The following RCC2 variants were observed in gnomAD, a reference collection of about 807,000 sequenced individuals.
The protein encoded by RCC2 is protein RCC2.
Under a neutral mutation model 64.1 loss-of-function variants are expected in RCC2, and 19 were observed. The observed-to-expected ratio is 0.30, with a 90% CI of 0.21 to 0.44. RCC2 has a LOEUF of 0.44. Among genes scored for constraint, RCC2 ranks in the 20% least tolerant of loss-of-function variants. The pLI, the probability that RCC2 is intolerant of heterozygous loss-of-function variation, is 1.00. For missense variants in RCC2, 508 were observed against 710.4 expected, an observed-to-expected ratio of 0.72 and a Z score of 3.24; for synonymous variants, 325 against 279.6, an observed-to-expected ratio of 1.16 and a Z score of -1.62.
intron 7 of RCC2, among the ~76,000 whole-genome samples, chr1:17,419,344 G>A (rs1488342718): frequency 1.3e-5 from 2 of 152,198 alleles, no homozygotes; most frequent in South Asian, 2.1e-4. Flanking sequence ...GGGTGACAGA[G>A]GGAGACTCCG....
At chr1:17,418,731 A>G (rs1207364148) in intron 7 of RCC2, among the ~76,000 whole-genome samples, 2 of 152,234 alleles carry the variant, frequency 1.3e-5, no homozygotes, top group Non-Finnish European at 2.9e-5. Context: ...ATGTAAGAGC[A>G]TCACAGTAAA....
At position 17,413,652 on chromosome 1, in the gene RCC2, G is replaced by T; in HGVS notation, c.1092C>A (p.His364Gln). The change falls in exon 9 of 13, where the codon CAC becomes CAA. Residue 364 changes from histidine to glutamine, a missense_variant. Physicochemically the swap from His to Gln is conservative, Grantham distance 24 (BLOSUM62 0). Around this residue, in one of 4 missense-constraint regions of RCC2, gnomAD observed 179 missense variants for 322.0 expected, o/e 0.56. Coordinates refer to ENST00000375436, the MANE Select transcript of RCC2 (RefSeq NM_018715.4). ...WGFGGYGRLG[H>Q]AEQKDEMVPR... Reference sequence around the variant, plus strand: ...GGACCATCTCATCCTTCTGCTCTGCGTGGCCCAGCCGGCCATAGCCACCAA... The same window carrying T: ...GGACCATCTCATCCTTCTGCTCTGCTTGGCCCAGCCGGCCATAGCCACCAA... 1 of 1,614,176 alleles carries T rather than the reference G, an allele frequency of 6.2e-7. No individual in the cohort carries two copies. Among genetic ancestry groups the T allele is most frequent in the Non-Finnish European group, 8.5e-7 (1 of 1,180,032 alleles).
At position 17,439,589 on chromosome 1, in the gene RCC2, CAACT is replaced by C. The variant is rs2075784539; in HGVS notation, c.-57_-54del. 1 of 149,278 alleles carries C rather than the reference CAACT, an allele frequency of 6.7e-6. No homozygotes were observed. The highest frequency in any genetic ancestry group is 2.1e-4 in the South Asian group (1 of 4,814). 9.2% of individuals were successfully genotyped at this position (149,278 alleles called of 1,614,324 possible). ...ACCGGAGAGAAAAAAGGAAGAGAAG[CAACT>C]AAAAGACGGATCGGAGGGCTTTTTT... On this transcript the variant is annotated 5_prime_UTR_variant, in exon 1 of 13. Coordinates refer to ENST00000375436, the MANE Select transcript of RCC2 (RefSeq NM_018715.4).
At chr1:17,438,201 C>T (rs2075761745) in intron 2 of RCC2, 29 bp downstream of exon 2, 3 of 1,200,968 alleles carry the variant, frequency 2.5e-6, no homozygotes, top group Non-Finnish European at 3.1e-6. Flanking sequence ...CGGCCCTGCG[C>T]CCACCCGTCT....
chr1:17,420,381 C>CTTA (rs1381399295), intron 7 of RCC2, among the ~76,000 whole-genome samples: 1 of 152,152 alleles, frequency 6.6e-6, no homozygotes, highest in African/African-American at 2.4e-5. Context: ...TCAATAAAGG[C>CTTA]ATAATCTTTA....
In RCC2 at chr1:17,438,270, G is replaced by C; in HGVS notation, c.245C>G (p.Ala82Gly). Residue 82 changes from alanine to glycine, a missense_variant, in exon 2 of 13, where the codon GCC becomes GGC. Physicochemically the swap from Ala to Gly is moderately conservative, Grantham distance 60. Coordinates refer to ENST00000375436, the MANE Select transcript of RCC2 (RefSeq NM_018715.4). ...GTGCTCGGGTTCGGTGATGACCACG[G>C]CCGCGCCGCCCGCCTTGCCTGCTGT... ...PATAGKAGGA[A>G]VVITEPEHTK... is the part of the protein sequence containing the mutation. The C allele has an allele frequency of 7.6e-7, 1 of 1,313,746 alleles. No individual in the cohort carries two copies. The highest frequency in any genetic ancestry group is 1.7e-5 in the South Asian group (1 of 58,946). 81.4% of individuals were successfully genotyped at this position (1,313,746 alleles called of 1,614,324 possible). A position where few individuals can be genotyped will look rare whatever the true frequency, so the allele number is the denominator to read the frequency against.
At chr1:17,412,237 A>T (rs769204274) in intron 10 of RCC2, 43 bp from the exon 11 acceptor site, 53 of 1,584,830 alleles carry the variant, frequency 3.3e-5, no homozygotes, top group Non-Finnish European at 2.3e-5. Flanking sequence ...GCAGCCCCAG[A>T]CCTGCACCCA....
At position 17,410,129 on chromosome 1, in the gene RCC2, C is replaced by T. The variant is rs531357924; in HGVS notation, c.1387-78G>A. On this transcript the variant is annotated intron_variant, in intron 11 of 12. Transcript: ENST00000375436. ...CAAGTGGGGAATCACGGCAACATTTCCTGGCCCCCACTAACCAGAAGCCAG... is the reference window on the plus strand; with the variant it reads ...CAAGTGGGGAATCACGGCAACATTTTCTGGCCCCCACTAACCAGAAGCCAG... The T allele has an allele frequency of 4.6e-6, 6 of 1,316,500 alleles. No homozygotes were observed. The South Asian group carries it at 7.3e-5, about 16-fold the overall frequency. 81.6% of individuals were successfully genotyped at this position (1,316,500 alleles called of 1,614,324 possible). A position where few individuals can be genotyped will look rare whatever the true frequency, so the allele number is the denominator to read the frequency against.
chr1:17,438,297 GC>G lies in RCC2; in HGVS notation c.217del (p.Ala73ArgfsTer35). On this transcript the variant is annotated frameshift_variant, in exon 2 of 13. Coordinates refer to ENST00000375436, the MANE Select transcript of RCC2 (RefSeq NM_018715.4). LOFTEE classifies it high-confidence loss of function. ...PGGGKRAARP[A>X]TAGKAGGAAV... ...CGCGCCGCCCGCCTTGCCTGCTGTC[GC>G]CGGCCGCGCCGCGCGCTTGCCCCCG... 1 of 1,251,616 alleles carries G rather than the reference GC, an allele frequency of 8.0e-7. No individual in the cohort carries two copies. Among genetic ancestry groups the G allele is most frequent in the South Asian group, 2.2e-5 (1 of 45,958 alleles). 77.5% of individuals were successfully genotyped at this position (1,251,616 alleles called of 1,614,324 possible).
intron 2 of RCC2, among the ~76,000 whole-genome samples, chr1:17,432,881 C>T (rs1032065780): frequency 6.6e-5 from 10 of 152,138 alleles, no homozygotes; most frequent in African/African-American, 9.7e-5. Context: ...GGGCATGAAC[C>T]CGGGAGGCGG....
At chr1:17,432,333 T>A (rs1055320500) in intron 2 of RCC2, among the ~76,000 whole-genome samples, 1 of 152,168 alleles carries the variant, frequency 6.6e-6, no homozygotes, top group South Asian at 2.1e-4. Flanking sequence ...TCTGTTGAAG[T>A]CCCTGTGGAA....
intron 7 of RCC2, 81 bp downstream of exon 7, chr1:17,420,633 G>A (rs2075545825): frequency 1.2e-6 from 1 of 810,344 alleles, no homozygotes; most frequent in East Asian, 2.6e-5. Context: ...TTTCTAACAC[G>A]TGTGTGCAGC....
intron 6 of RCC2, 78 bp from the exon 7 acceptor site, chr1:17,420,906 A>T: frequency 1.1e-6 from 1 of 897,250 alleles, no homozygotes; most frequent in Non-Finnish European, 1.7e-6. Context: ...TGTTGGTGGG[A>T]AACAATTACT....
At chr1:17,410,420 C>T (rs1012317549) in intron 11 of RCC2, among the ~76,000 whole-genome samples, 3 of 152,190 alleles carry the variant, frequency 2.0e-5, no homozygotes, top group African/African-American at 7.2e-5. Flanking sequence ...ACCAAGAACA[C>T]GGGCTGACCA....
rs2075487241 is a variant in RCC2 at position 17,416,508 on chromosome 1, C to T, written c.998G>A (p.Arg333Gln). ...GTGGTTAGCGCCACAGGCCACGTCT[C>T]GTACAACCACGTTTGGTACAGGCAG... ...QILPVPNVVV[R>Q]DVACGANHTL... Residue 333 changes from arginine to glutamine, a missense_variant, in exon 8 of 13, where the codon CGA (arginine) becomes CAA (glutamine). Physicochemically the swap from Arg to Gln is conservative, Grantham distance 43 (BLOSUM62 1). This residue lies in a region of RCC2 where 179 missense variants were observed against 322.0 expected (regional missense o/e 0.56). Coordinates refer to ENST00000375436, the MANE Select transcript of RCC2 (RefSeq NM_018715.4). 4 of 1,613,254 alleles carry T rather than the reference C, an allele frequency of 2.5e-6. No homozygotes were observed. The highest frequency in any genetic ancestry group is 1.7e-5 in the Admixed American group (1 of 59,982).
intron 11 of RCC2, among the ~76,000 whole-genome samples, chr1:17,411,221 G>T (rs1231234565): frequency 6.6e-6 from 1 of 152,010 alleles, no homozygotes; most frequent in Non-Finnish European, 1.5e-5. Context: ...ATCAAACCAT[G>T]ACTAGTGTAG....
chr1:17,434,158 T>C (rs781187706), intron 2 of RCC2, among the ~76,000 whole-genome samples: 2 of 152,238 alleles, frequency 1.3e-5, no homozygotes, highest in Non-Finnish European at 2.9e-5. Flanking sequence ...GTTCCTGGCA[T>C]GCAACTTCCC....
intron 2 of RCC2, among the ~76,000 whole-genome samples, chr1:17,437,444 C>T (rs2075746426): frequency 6.6e-6 from 1 of 152,044 alleles, no homozygotes; most frequent in African/African-American, 2.4e-5. Context: ...GGGTTCAGAT[C>T]TCCGGCTCTG....
intron 6 of RCC2, among the ~76,000 whole-genome samples, chr1:17,421,957 G>A (rs542569978): frequency 5.9e-5 from 9 of 152,036 alleles, no homozygotes; most frequent in South Asian, 2.1e-4. Context: ...CCCGGGAGGC[G>A]GAGGTTGCAG....
Sources: gnomAD v4.1 joint callset for allele counts (sites outside exome capture counted in the v4.1 genomes callset) on GRCh38, gnomAD v4.1.1 for gene constraint, gnomAD v4.1.1 regional missense constraint, MANE v1.5 for transcripts, NCBI Gene and HGNC (gene_info 2026-07-23, HGNC 2026-07-21) for gene names.